The following TEAD1 variants were observed in gnomAD, a reference collection of about 807,000 sequenced individuals.
The protein encoded by TEAD1 is transcriptional enhancer factor TEF-1.
Under a neutral mutation model 54.9 loss-of-function variants are expected in TEAD1, and 9 were observed. The ratio of observed to expected loss-of-function variants is 0.16; its 90% CI spans 0.10 to 0.29. TEAD1 has a LOEUF of 0.29. TEAD1 is among the 10% of genes least tolerant of loss of function. TEAD1 has a pLI of 1.00. For synonymous variants in TEAD1, 200 were observed against 187.8 expected, an observed-to-expected ratio of 1.07 and a Z score of -0.53; for missense variants, 387 against 535.9, an observed-to-expected ratio of 0.72 and a Z score of 2.74.
chr11:12,822,156 G>A (rs951248422), intron 3 of TEAD1, among the ~76,000 whole-genome samples: 1 of 151,522 alleles, frequency 6.6e-6, no homozygotes, highest in Non-Finnish European at 1.5e-5. Context: ...GTAGAGACAG[G>A]GTTTCACCAT....
intron 4 of TEAD1, among the ~76,000 whole-genome samples, chr11:12,863,578 T>C (rs1043618723): frequency 6.6e-6 from 1 of 152,220 alleles, no homozygotes; most frequent in Non-Finnish European, 1.5e-5. Context: ...AATCCTGTTT[T>C]AGAGCCGCTG....
intron 2 of TEAD1, among the ~76,000 whole-genome samples, chr11:12,730,430 T>G (rs888413390): frequency 6.8e-6 from 1 of 148,108 alleles, no homozygotes; most frequent in African/African-American, 2.5e-5. Flanking sequence ...TTTTTTTTTT[T>G]TTTTTTTTTT....
At chr11:12,715,380 G>A (rs1944035338) in intron 2 of TEAD1, among the ~76,000 whole-genome samples, 1 of 152,148 alleles carries the variant, frequency 6.6e-6, no homozygotes, top group African/African-American at 2.4e-5. Flanking sequence ...AACAGATAAA[G>A]CCTGGGGACT....
chr11:12,701,478 G>T (rs1048106804), intron 2 of TEAD1, among the ~76,000 whole-genome samples: 8 of 152,124 alleles, frequency 5.3e-5, no homozygotes, highest in African/African-American at 1.9e-4. Flanking sequence ...ACCAAGCAGG[G>T]TAGGCTTAAT....
intron 2 of TEAD1, among the ~76,000 whole-genome samples, chr11:12,699,859 G>C (rs1032908395): frequency 6.6e-6 from 1 of 152,210 alleles, no homozygotes; most frequent in Non-Finnish European, 1.5e-5. Flanking sequence ...CACCTTTTGA[G>C]ATTATTGTGC....
intron 3 of TEAD1, among the ~76,000 whole-genome samples, chr11:12,787,880 A>G (rs1196269979): frequency 6.6e-6 from 1 of 152,148 alleles, no homozygotes; most frequent in Non-Finnish European, 1.5e-5. Context: ...GATGAGAGCT[A>G]TAATTCTAAT....
At chr11:12,761,701 C>A (rs761140307) in intron 2 of TEAD1, among the ~76,000 whole-genome samples, 3 of 152,188 alleles carry the variant, frequency 2.0e-5, no homozygotes, top group Non-Finnish European at 4.4e-5. Flanking sequence ...GAGGCTGCTT[C>A]TGTCATACCT....
At chr11:12,853,802 C>T (rs544302290) in intron 3 of TEAD1, among the ~76,000 whole-genome samples, 2 of 152,294 alleles carry the variant, frequency 1.3e-5, no homozygotes, top group East Asian at 3.9e-4. Context: ...ATGTTATCAG[C>T]TGCCGTTGAC....
chr11:12,890,253 A>G (rs139149808), intron 9 of TEAD1, among the ~76,000 whole-genome samples: 52 of 152,308 alleles, frequency 3.4e-4, no homozygotes, highest in African/African-American at 1.2e-3. Flanking sequence ...ACAAAGTTCA[A>G]AAGTTAAAAA....
At chr11:12,721,230 G>A (rs1157162087) in intron 2 of TEAD1, among the ~76,000 whole-genome samples, 1 of 152,200 alleles carries the variant, frequency 6.6e-6, no homozygotes, top group East Asian at 1.9e-4. Context: ...TGCAGGTGCA[G>A]GAAGAAAGCT....
intron 3 of TEAD1, among the ~76,000 whole-genome samples, chr11:12,783,854 C>T (rs890352643): frequency 5.9e-5 from 9 of 152,020 alleles, no homozygotes; most frequent in South Asian, 2.1e-4. Flanking sequence ...TGAGAGGTTA[C>T]GGGAGTGAAG....
chr11:12,774,216 G>T (rs1945371314), intron 3 of TEAD1, among the ~76,000 whole-genome samples: 1 of 152,164 alleles, frequency 6.6e-6, no homozygotes, highest in South Asian at 2.1e-4. Flanking sequence ...TTCAGGGGAT[G>T]AGTTTCGAGG....
chr11:12,687,311 G>T (rs1456582212), intron 2 of TEAD1, among the ~76,000 whole-genome samples: 1 of 152,202 alleles, frequency 6.6e-6, no homozygotes, highest in Non-Finnish European at 1.5e-5. Context: ...TTGTGGAGGA[G>T]GAGCAGTACT....
At chr11:12,780,712 GA>G (rs1427223818) in intron 3 of TEAD1, among the ~76,000 whole-genome samples, 4 of 152,090 alleles carry the variant, frequency 2.6e-5, no homozygotes, top group Non-Finnish European at 5.9e-5. Context: ...TTAAATAACC[GA>G]ATAAATTGGA....
chr11:12,798,948 C>A (rs73423698), intron 3 of TEAD1, among the ~76,000 whole-genome samples: 267 of 152,168 alleles, frequency 1.8e-3, no homozygotes, highest in African/African-American at 6.0e-3. Context: ...ACAAAAGCAA[C>A]AACAAAACCC....
chr11:12,846,301 C>T (rs1467069568), intron 3 of TEAD1, among the ~76,000 whole-genome samples: 1 of 151,876 alleles, frequency 6.6e-6, no homozygotes, highest in East Asian at 1.9e-4. Flanking sequence ...AACACCTGCC[C>T]AAAGGATTTT....
At chr11:12,831,184 C>T (rs192214916) in intron 3 of TEAD1, among the ~76,000 whole-genome samples, 13 of 152,338 alleles carry the variant, frequency 8.5e-5, no homozygotes, top group African/African-American at 3.1e-4. Context: ...CCTTCCTTGT[C>T]TGGTTTTCTT....
intron 3 of TEAD1, among the ~76,000 whole-genome samples, chr11:12,834,817 G>T (rs2134022823): frequency 6.7e-6 from 1 of 149,674 alleles, no homozygotes; most frequent in African/African-American, 2.5e-5. Context: ...GGATCTTGCT[G>T]TGTTGCCCAG....
chr11:12,686,016 C>T (rs1943325442), intron 2 of TEAD1, among the ~76,000 whole-genome samples: 1 of 152,184 alleles, frequency 6.6e-6, no homozygotes, highest in Non-Finnish European at 1.5e-5. Context: ...CTCCTGGTTA[C>T]TGTTTGTGGC....
Sources: allele counts gnomAD v4.1 joint callset (sites outside exome capture counted in the v4.1 genomes callset), GRCh38; gene constraint gnomAD v4.1.1; transcripts MANE v1.5; gene names NCBI Gene and HGNC (gene_info 2026-07-23, HGNC 2026-07-21).